Variants in ENPEP observed in about 807,000 individuals in gnomAD.
The protein encoded by ENPEP is AP-A.
ENPEP carries 103 observed loss-of-function variants against 114.5 expected under a neutral mutation model. That is an observed-to-expected ratio of 0.90 (90% CI 0.77 to 1.06). The LOEUF is 1.06. Ranked by LOEUF, ENPEP falls within the 50% of genes least tolerant of loss-of-function variation. The pLI, the probability that ENPEP is intolerant of heterozygous loss-of-function variation, is 0.00. For synonymous variants in ENPEP, 420 were observed against 422.0 expected, an observed-to-expected ratio of 1.00 and a Z score of 0.06; for missense variants, 1,196 against 1,161.3, an observed-to-expected ratio of 1.03 and a Z score of -0.43.
chr4:110,489,068 T>A (rs1724605750), intron 2 of ENPEP, among the ~76,000 whole-genome samples: 1 of 152,134 alleles, frequency 6.6e-6, no homozygotes, highest in African/African-American at 2.4e-5. Context: ...TAAATCCAGT[T>A]TTTGTTTTGT....
At position 110,561,565 on chromosome 4, in the gene ENPEP, C is replaced by G; in HGVS notation, c.*7C>G. The G allele has an allele frequency of 6.2e-7, 1 of 1,604,008 alleles. No individual in the cohort carries two copies. The highest frequency in any genetic ancestry group is 8.5e-7 in the Non-Finnish European group (1 of 1,176,888). ...TTTACTTGAGAGTGGTTAATGTATTCAAATGTTAGAGTTTAATTTTGTGAA... is the reference window on the plus strand; with the variant it reads ...TTTACTTGAGAGTGGTTAATGTATTGAAATGTTAGAGTTTAATTTTGTGAA... On this transcript the variant is annotated 3_prime_UTR_variant, in exon 20 of 20. Transcript: ENST00000265162.
intron 14 of ENPEP, among the ~76,000 whole-genome samples, 189 bp downstream of exon 14, chr4:110,548,515 C>T (rs758710950): frequency 6.6e-6 from 1 of 151,912 alleles, no homozygotes; most frequent in Non-Finnish European, 1.5e-5. Context: ...ATTTGAAGTA[C>T]ATCAGAATTT....
chr4:110,552,982 TAAA>T (rs1727344656), intron 17 of ENPEP, among the ~76,000 whole-genome samples: 1 of 152,154 alleles, frequency 6.6e-6, no homozygotes. Context: ...AATGCTGTTT[TAAA>T]ATATTAATGG....
At chr4:110,511,428 A>G (rs1015320688) in intron 6 of ENPEP, among the ~76,000 whole-genome samples, 25 of 152,290 alleles carry the variant, frequency 1.6e-4, no homozygotes, top group African/African-American at 5.8e-4. Flanking sequence ...ATGTCTCCAC[A>G]TATTTCCAGC....
chr4:110,479,320 T>G (rs1460116387), intron 1 of ENPEP, among the ~76,000 whole-genome samples: 1 of 152,200 alleles, frequency 6.6e-6, no homozygotes, highest in Non-Finnish European at 1.5e-5. Context: ...ATATGAGTAT[T>G]TAAGTTGCTC....
In ENPEP at chr4:110,523,870, T is replaced by C. The variant is rs191267209; in HGVS notation, c.1727+3504T>C. 4.6e-5 allele frequency among the ~76,000 whole-genome samples: 7 copies of C among 152,290 alleles called. No individual in the cohort carries two copies. The East Asian group carries it at 1.4e-3, about 29-fold the overall frequency. On this transcript the variant is annotated intron_variant, in intron 10 of 19. Coordinates refer to ENST00000265162, the MANE Select transcript of ENPEP (RefSeq NM_001977.4). Reference sequence around the variant, plus strand: ...CATGTTGGTAGCTTGAAAATGCTCCTGATGGGAGTATTACGTGGAAATGAG... The same window carrying C: ...CATGTTGGTAGCTTGAAAATGCTCCCGATGGGAGTATTACGTGGAAATGAG...
At chr4:110,502,247 T>C (rs1244969781) in intron 3 of ENPEP, among the ~76,000 whole-genome samples, 2 of 152,184 alleles carry the variant, frequency 1.3e-5, no homozygotes, top group Non-Finnish European at 2.9e-5. Context: ...GTTTACTCTA[T>C]TGATAGTTCC....
chr4:110,510,542 AG>A (rs1725535700), intron 6 of ENPEP, among the ~76,000 whole-genome samples, 184 bp downstream of exon 6: 1 of 151,850 alleles, frequency 6.6e-6, no homozygotes, highest in Non-Finnish European at 1.5e-5. Flanking sequence ...AGTACCTAGA[AG>A]GGCAGCTGAT....
intron 11 of ENPEP, among the ~76,000 whole-genome samples, chr4:110,533,791 C>T (rs1726503336): frequency 6.6e-6 from 1 of 152,178 alleles, no homozygotes; most frequent in African/African-American, 2.4e-5. Flanking sequence ...TATGTCTCCC[C>T]TCCCCACAGA....
chr4:110,506,853 G>A, intron 4 of ENPEP, 96 bp downstream of exon 4: 1 of 1,114,358 alleles, frequency 9.0e-7, no homozygotes, highest in Non-Finnish European at 1.3e-6. Context: ...TCAGTTAACA[G>A]TTATCCTTAA....
At chr4:110,484,914 C>T (rs1028662696) in intron 1 of ENPEP, among the ~76,000 whole-genome samples, 2 of 130,922 alleles carry the variant, frequency 1.5e-5, no homozygotes, top group Non-Finnish European at 3.6e-5. Context: ...GTGTGTGGTG[C>T]GCGCATGCAC....
chr4:110,549,445 A>G (rs1338979889), intron 15 of ENPEP, 26 bp downstream of exon 15: 1 of 1,612,576 alleles, frequency 6.2e-7, no homozygotes, highest in African/African-American at 1.3e-5. Context: ...TAACAACTAA[A>G]ATTCATTTAA....
At chr4:110,545,083 A>G (rs1040883500) in intron 13 of ENPEP, among the ~76,000 whole-genome samples, 1 of 152,080 alleles carries the variant, frequency 6.6e-6, no homozygotes, top group African/African-American at 2.4e-5. Context: ...CACATAAGCT[A>G]AGACCATTAT....
intron 1 of ENPEP, among the ~76,000 whole-genome samples, chr4:110,484,873 C>T (rs1282781550): frequency 6.6e-6 from 1 of 151,380 alleles, no homozygotes; most frequent in Non-Finnish European, 1.5e-5. Context: ...ATTCCACTTC[C>T]TCCTTCCTCT....
intron 11 of ENPEP, among the ~76,000 whole-genome samples, chr4:110,531,852 T>G (rs1249992316): frequency 6.6e-6 from 1 of 152,192 alleles, no homozygotes; most frequent in African/African-American, 2.4e-5. Flanking sequence ...CTTTTTATAT[T>G]TTTTCCATTG....
intron 19 of ENPEP, 46 bp downstream of exon 19, chr4:110,559,771 G>A (rs367637994): frequency 6.6e-7 from 1 of 1,519,344 alleles, no homozygotes; most frequent in Non-Finnish European, 9.1e-7. Flanking sequence ...GGAGCAGAAT[G>A]AAACTTTTTT....
In ENPEP at chr4:110,561,680, C is replaced by T; in HGVS notation, c.*122C>T. On this transcript the variant is annotated 3_prime_UTR_variant, in exon 20 of 20. Coordinates refer to ENST00000265162, the MANE Select transcript of ENPEP (RefSeq NM_001977.4). ...AAACAGATAATGCTTTTACTAAGCA[C>T]TGTGTTTATATGTCTTGCAAAGCCT... is the stretch of plus-strand genomic sequence containing the variant. 2.2e-6 allele frequency: 2 copies of T among 918,296 alleles called. No homozygotes were observed. The highest frequency in any genetic ancestry group is 1.6e-6 in the Non-Finnish European group (1 of 620,640). The allele number at this position is 918,296 out of a possible 1,614,324, so 56.9% of individuals were successfully genotyped here. A position where few individuals can be genotyped will look rare whatever the true frequency, so the allele number is the denominator to read the frequency against.
At chr4:110,528,563 A>G (rs1726285242) in intron 10 of ENPEP, among the ~76,000 whole-genome samples, 1 of 152,168 alleles carries the variant, frequency 6.6e-6, no homozygotes, top group South Asian at 2.1e-4. Flanking sequence ...ACTGACTAGA[A>G]CCTTTTTATA....
intron 4 of ENPEP, among the ~76,000 whole-genome samples, chr4:110,507,596 G>A (rs117143011): frequency 6.6e-6 from 1 of 152,238 alleles, no homozygotes; most frequent in African/African-American, 2.4e-5. Context: ...GATGCTGCAT[G>A]TCTCTTCAAT....
Sources: allele counts gnomAD v4.1 joint callset (sites outside exome capture counted in the v4.1 genomes callset), GRCh38; gene constraint gnomAD v4.1.1; transcripts MANE v1.5; gene names NCBI Gene and HGNC (gene_info 2026-07-23, HGNC 2026-07-21).